KIAA1217: variants seen among roughly 807,000 people sequenced by gnomAD.
KIAA1217 encodes sickle tail protein homolog.
In KIAA1217, 88 loss-of-function variants were observed where a neutral mutation model predicts 163.9. The observed-to-expected ratio is 0.54, with a 90% CI of 0.45 to 0.64. The LOEUF (loss-of-function observed/expected upper bound fraction) is 0.64, where lower values mean the gene tolerates loss of function less well. Ranked by LOEUF, KIAA1217 falls within the 30% of genes least tolerant of loss-of-function variation. The pLI, the probability that KIAA1217 is intolerant of heterozygous loss-of-function variation, is 0.00. For missense variants in KIAA1217, 2,372 were observed against 2,475.0 expected (o/e 0.96, Z 0.88); for synonymous variants, 903 against 923.1 (o/e 0.98, Z 0.39).
Position 24,509,112 on chromosome 10 carries a change from A to C in KIAA1217, c.2002-4147A>C, listed in dbSNP as rs143280955. 3.8e-3 allele frequency among the ~76,000 whole-genome samples: 579 copies of C among 152,308 alleles called. 5 individuals are homozygous for C. Among genetic ancestry groups the C allele is most frequent in the Non-Finnish European group, 6.2e-3 (422 of 68,026 alleles). ...GGTATCACCTCTTAAGCAAAAACCA[A>C]CTTAACAATTTGAGCTTCCAAAAAG... is the stretch of plus-strand genomic sequence containing the variant. On this transcript the variant is annotated intron_variant, in intron 9 of 20. Transcript: ENST00000376454.
rs768158923 is a variant in KIAA1217 at position 24,115,925 on chromosome 10, C to T, written c.-170-103701C>T. On this transcript the variant is annotated intron_variant, in intron 2 of 18. Coordinates refer to the KIAA1217 transcript ENST00000376462. ...CTTATTTTTGCTGATGGTCTCAGTC[C>T]GACCAGCTTGCTTCAGCCCATGTCA... Among the ~76,000 whole-genome samples the T allele has an allele frequency of 7.4e-4, 113 of 152,138 alleles. 2 individuals are homozygous for T. Among genetic ancestry groups the T allele is most frequent in the Admixed American group, 2.6e-4 (4 of 15,264 alleles).
chr10:24,239,945 CT>C, intron 2 of KIAA1217, among the ~76,000 whole-genome samples: 1 of 152,144 alleles, frequency 6.6e-6, no homozygotes, highest in Non-Finnish European at 1.5e-5. Context: ...AGTTTTTGAG[CT>C]TTTAGGGAAG....
chr10:24,009,682 G>T (rs1223372399), intron 2 of KIAA1217, among the ~76,000 whole-genome samples: 1 of 152,136 alleles, frequency 6.6e-6, no homozygotes, highest in Non-Finnish European at 1.5e-5. Flanking sequence ...GAAATGCTTA[G>T]CTCAAGGTCA....
intron 1 of KIAA1217, among the ~76,000 whole-genome samples, chr10:23,721,343 A>G (rs1564365541): frequency 6.6e-6 from 1 of 152,180 alleles, no homozygotes; most frequent in African/African-American, 2.4e-5. Context: ...AATTTAGTGT[A>G]TTGGAGCTGT....
chr10:23,930,824 T>C (rs925238150), intron 1 of KIAA1217, among the ~76,000 whole-genome samples: 1 of 152,332 alleles, frequency 6.6e-6, no homozygotes, highest in Admixed American at 6.5e-5. Flanking sequence ...TTTCCTGCCC[T>C]TAACAATCAT....
intron 1 of KIAA1217, among the ~76,000 whole-genome samples, chr10:24,214,171 GA>G (rs1371947295): frequency 1.3e-5 from 2 of 151,716 alleles, no homozygotes; most frequent in Non-Finnish European, 2.9e-5. Context: ...AACAAACAAA[GA>G]AAAAAAACAA....
intron 2 of KIAA1217, among the ~76,000 whole-genome samples, chr10:24,220,225 G>A (rs773756550): frequency 5.3e-5 from 8 of 152,142 alleles, no homozygotes; most frequent in Non-Finnish European, 8.8e-5. Context: ...CATCTAAAGT[G>A]CAGGGAATGA....
At chr10:24,343,398 TAGTC>T (rs1430116920) in intron 2 of KIAA1217, among the ~76,000 whole-genome samples, 1 of 152,232 alleles carries the variant, frequency 6.6e-6, no homozygotes, top group Non-Finnish European at 1.5e-5. Flanking sequence ...CTATATTAGT[TAGTC>T]AATTTTGTGT....
intron 1 of KIAA1217, among the ~76,000 whole-genome samples, chr10:23,977,396 G>A (rs545068334): frequency 2.8e-4 from 43 of 152,268 alleles, no homozygotes; most frequent in African/African-American, 1.0e-3. Context: ...CTTCAGAGAG[G>A]TTAGGTGACT....
chr10:24,141,232 C>CCCA lies in KIAA1217; in HGVS notation c.-170-78392_-170-78391insACC, dbSNP rs1554882541. ...TGCTCAGAGAAAGAATAAACCCCCC[C>CCCA]CCCCCATTTCTCTCTTCTTTCCTTT... On this transcript the variant is annotated intron_variant, in intron 2 of 18. Coordinates refer to the KIAA1217 transcript ENST00000376462. Among the ~76,000 whole-genome samples the CCCA allele has an allele frequency of 1.6e-5, 2 of 124,068 alleles. 1 individual carries two copies. The highest frequency in any genetic ancestry group is 7.1e-4 in the South Asian group (2 of 2,814). 81.4% of individuals were successfully genotyped at this position (124,068 alleles called of 152,430 possible). A position where few individuals can be genotyped will look rare whatever the true frequency, so the allele number is the denominator to read the frequency against.
At chr10:24,419,959 C>A (rs544918631) in intron 3 of KIAA1217, among the ~76,000 whole-genome samples, 6 of 151,810 alleles carry the variant, frequency 4.0e-5, no homozygotes, top group Non-Finnish European at 8.8e-5. Flanking sequence ...AATTTGTTAC[C>A]GCTGTTAACT....
chr10:23,851,121 T>C (rs1255134525), intron 1 of KIAA1217, among the ~76,000 whole-genome samples: 1 of 152,102 alleles, frequency 6.6e-6, no homozygotes, highest in Non-Finnish European at 1.5e-5. Flanking sequence ...CATTGACTCG[T>C]CATTTAGCAT....
intron 2 of KIAA1217, among the ~76,000 whole-genome samples, chr10:24,357,782 G>A (rs1253583521): frequency 2.0e-5 from 3 of 152,170 alleles, no homozygotes; most frequent in Non-Finnish European, 4.4e-5. Context: ...GTGTGAGAGC[G>A]ACCAAGAAGC....
At chr10:24,250,292 G>A (rs1224015097) in intron 2 of KIAA1217, among the ~76,000 whole-genome samples, 2 of 152,058 alleles carry the variant, frequency 1.3e-5, no homozygotes, top group East Asian at 1.9e-4. Context: ...AAGAATACTT[G>A]GTGGTTCATA....
intron 1 of KIAA1217, among the ~76,000 whole-genome samples, chr10:23,696,140 C>G (rs990527147): frequency 1.3e-5 from 2 of 152,234 alleles, no homozygotes; most frequent in African/African-American, 4.8e-5. Context: ...GGGCTCTCTC[C>G]TTCCTAATGG....
Position 23,902,364 on chromosome 10 carries a change from G to C in KIAA1217, c.-320-104861G>C, listed in dbSNP as rs190773470. ...GAGGGGAACAGCACACTAAACCTCA[G>C]CTAAGTAGCAATGCAAACCTCTAAT... On this transcript the variant is annotated intron_variant, in intron 1 of 18. Coordinates refer to the KIAA1217 transcript ENST00000376462. Among the ~76,000 whole-genome samples, 15 of 152,138 alleles carry C rather than the reference G, an allele frequency of 9.9e-5. 1 individual carries two copies. The highest frequency in any genetic ancestry group is 7.9e-4 in the Admixed American group (12 of 15,274).
At chr10:23,796,919 C>G (rs1564429548) in intron 1 of KIAA1217, among the ~76,000 whole-genome samples, 1 of 152,174 alleles carries the variant, frequency 6.6e-6, no homozygotes, top group Non-Finnish European at 1.5e-5. Context: ...GTGGTATAAT[C>G]ATAGCTCACT....
rs527998902 is a variant in KIAA1217, at chr10:24,366,167, G to A, written c.355-14702G>A. ...AAGTTAAGTTGCTCAAAAATGAGTC[G>A]GATGCAGTGGCTCACAAATGTAATT... is the stretch of plus-strand genomic sequence containing the variant. On this transcript the variant is annotated intron_variant, in intron 2 of 20. Transcript: ENST00000376454. 7.2e-5 allele frequency among the ~76,000 whole-genome samples: 11 copies of A among 152,170 alleles called. No individual in the cohort carries two copies. The East Asian group carries it at 9.7e-4, about 13-fold the overall frequency.
At position 23,919,880 on chromosome 10, in the gene KIAA1217, C is replaced by T. The variant is rs116833604; in HGVS notation, c.-320-87345C>T. ...ACCTTTCTCCTTGGCCACCTAGTTCCTTCCTTCCTGACCTTCTCCAGGACA... is the reference window on the plus strand; with the variant it reads ...ACCTTTCTCCTTGGCCACCTAGTTCTTTCCTTCCTGACCTTCTCCAGGACA... On this transcript the variant is annotated intron_variant, in intron 1 of 18. Coordinates refer to the KIAA1217 transcript ENST00000376462. Among the ~76,000 whole-genome samples, 274 of 152,256 alleles carry T rather than the reference C, an allele frequency of 1.8e-3. 2 individuals are homozygous for T. The highest frequency in any genetic ancestry group is 6.4e-3 in the African/African-American group (264 of 41,552).
Sources: allele counts gnomAD v4.1 joint callset (sites outside exome capture counted in the v4.1 genomes callset), GRCh38; gene constraint gnomAD v4.1.1; transcripts MANE v1.5; gene names NCBI Gene and HGNC (gene_info 2026-07-23, HGNC 2026-07-21).